Variants in AFG2B observed in about 807,000 individuals in gnomAD.
The protein encoded by AFG2B is AAA ATPase AFG2B.
At chr15:45,417,133 G>A in the AFG2B span, 1 of 1,035,222 alleles carries the variant, frequency 9.7e-7, no homozygotes, top group East Asian at 2.6e-5. Flanking sequence ...AGCTGGTCTG[G>A]AAAGCGGATA....
the AFG2B span, chr15:45,403,362 G>C: frequency 6.2e-7 from 1 of 1,610,040 alleles, no homozygotes; most frequent in Non-Finnish European, 8.5e-7. Flanking sequence ...TGTGTCCCCA[G>C]CGGGGCAGTC....
the AFG2B span, chr15:45,403,208 C>T: frequency 9.4e-6 from 14 of 1,484,424 alleles, no homozygotes; most frequent in South Asian, 1.3e-5. Context: ...GAGGCGGGCG[C>T]GGAGCTGCTG....
At chr15:45,405,284 C>T in the AFG2B span, 10 of 1,433,836 alleles carry the variant, frequency 7.0e-6, no homozygotes, top group Admixed American at 1.3e-4. Flanking sequence ...AAACTATATA[C>T]TTCTTCTTCT....
the AFG2B span, chr15:45,414,802 T>C: frequency 6.3e-7 from 1 of 1,586,484 alleles, no homozygotes; most frequent in Non-Finnish European, 8.6e-7. Flanking sequence ...TCCCCATATG[T>C]TTAAATTTAC....
chr15:45,403,750 G>C, the AFG2B span, among the ~76,000 whole-genome samples: 1 of 152,186 alleles, frequency 6.6e-6, no homozygotes, highest in Non-Finnish European at 1.5e-5. Flanking sequence ...CTGAGAGTCA[G>C]GACCTGTTTC....
the AFG2B span, among the ~76,000 whole-genome samples, chr15:45,404,497 G>A: frequency 6.6e-6 from 1 of 152,092 alleles, no homozygotes; most frequent in East Asian, 1.9e-4. Flanking sequence ...GTACATGTTT[G>A]TCAGGATAAA....
At chr15:45,417,506 G>T in the AFG2B span, 1 of 1,165,458 alleles carries the variant, frequency 8.6e-7, no homozygotes, top group Non-Finnish European at 1.2e-6. Context: ...CTTCTTCCTT[G>T]CCTGGTGGCC....
the AFG2B span, chr15:45,421,254 G>T: frequency 7.2e-7 from 1 of 1,389,468 alleles, no homozygotes; most frequent in South Asian, 1.4e-5. Context: ...ATTGAAATGT[G>T]AACTTGCCTG....
the AFG2B span, chr15:45,403,206 C>T: frequency 1.8e-5 from 27 of 1,479,526 alleles, no homozygotes; most frequent in Admixed American, 1.6e-4. Flanking sequence ...GCGAGGCGGG[C>T]GCGGAGCTGC....
chr15:45,417,223 A>T, the AFG2B span: 3 of 1,588,844 alleles, frequency 1.9e-6, no homozygotes, highest in South Asian at 3.4e-5. Context: ...TAGAAAACTT[A>T]TTAACAACTG....
chr15:45,402,975 C>A, the AFG2B span: 1 of 1,594,516 alleles, frequency 6.3e-7, no homozygotes. Context: ...CCCCTCGTAC[C>A]CGCGTCAGCC....
At chr15:45,410,262 A>T in the AFG2B span, 1 of 1,252,934 alleles carries the variant, frequency 8.0e-7, no homozygotes, top group Non-Finnish European at 1.1e-6. Context: ...TATAATGATA[A>T]CAAAATAACT....
At chr15:45,417,250 G>T in the AFG2B span, 23 of 1,611,548 alleles carry the variant, frequency 1.4e-5, no homozygotes, top group Non-Finnish European at 2.0e-5. Flanking sequence ...ATTACTTTGT[G>T]TTGTGTGTTT....
At chr15:45,409,715 A>AT in the AFG2B span, among the ~76,000 whole-genome samples, 102 of 151,490 alleles carry the variant, frequency 6.7e-4, no homozygotes, top group African/African-American at 2.3e-3. Flanking sequence ...AAATATATAT[A>AT]TTTTTTTAAT....
At chr15:45,403,591 G>A in the AFG2B span, 5 of 1,564,966 alleles carry the variant, frequency 3.2e-6, no homozygotes, top group Admixed American at 1.0e-4. Context: ...GGCTGCCCCG[G>A]AGGCGTTTGC....
the AFG2B span, chr15:45,416,859 G>T: frequency 6.5e-6 from 1 of 154,428 alleles, no homozygotes; most frequent in East Asian, 1.9e-4. Context: ...CCTCTTTAGG[G>T]ATATGAGAGT....
the AFG2B span, among the ~76,000 whole-genome samples, chr15:45,406,389 T>G: frequency 6.6e-6 from 1 of 152,158 alleles, no homozygotes; most frequent in Non-Finnish European, 1.5e-5. Context: ...GTCTGTGAGA[T>G]TTCTCCATTG....
At chr15:45,406,143 T>C in the AFG2B span, among the ~76,000 whole-genome samples, 5 of 152,204 alleles carry the variant, frequency 3.3e-5, no homozygotes, top group African/African-American at 9.6e-5. Context: ...TCTAGAATCA[T>C]ACTTCAGGCT....
the AFG2B span, chr15:45,405,596 C>G: frequency 5.6e-6 from 7 of 1,253,926 alleles, no homozygotes; most frequent in South Asian, 7.1e-5. Context: ...GTACATTTTC[C>G]TTAGAACATT....
Sources: allele counts gnomAD v4.1 joint callset (sites outside exome capture counted in the v4.1 genomes callset), GRCh38; gene constraint gnomAD v4.1.1; transcripts MANE v1.5; gene names NCBI Gene and HGNC (gene_info 2026-07-23, HGNC 2026-07-21).